BRD9: variants seen among roughly 807,000 people sequenced by gnomAD.
BRD9 encodes bromodomain containing 9.
A neutral mutation model predicts 68.7 loss-of-function variants in BRD9; 47 were observed. The observed-to-expected ratio is 0.68, with a 90% CI of 0.54 to 0.87. The LOEUF is 0.87. BRD9 is among the 40% of genes least tolerant of loss of function. The probability of loss-of-function intolerance (pLI) is 0.00; values close to 1 mark genes in which losing one functional copy is unlikely to be tolerated. For synonymous variants in BRD9, 313 were observed against 293.9 expected (o/e 1.06, Z -0.67); for missense variants, 670 against 748.4 (o/e 0.90, Z 1.22).
intron 8 of BRD9, among the ~76,000 whole-genome samples, chr5:882,711 A>G (rs566305741): frequency 3.0e-4 from 45 of 149,778 alleles, no homozygotes; most frequent in African/African-American, 1.1e-3. Flanking sequence ...CCAACACATA[A>G]GCCACACAGA....
chr5:882,942 ACGTGAAC>A (rs1752000874), intron 8 of BRD9: 8 of 265,464 alleles, frequency 3.0e-5, no homozygotes, highest in Non-Finnish European at 5.1e-5. Flanking sequence ...CATGCAAGCC[ACGTGAAC>A]CACAACCTCC....
intron 5 of BRD9, 57 bp downstream of exon 5, chr5:888,964 A>G: frequency 1.3e-6 from 2 of 1,543,898 alleles, no homozygotes; most frequent in Non-Finnish European, 1.8e-6. Context: ...AAGTCTTCAC[A>G]AGACATGAAT....
chr5:865,730 G>A, intron 14 of BRD9, 149 bp from the exon 15 acceptor site: 1 of 843,530 alleles, frequency 1.2e-6, no homozygotes, highest in Non-Finnish European at 1.8e-6. Flanking sequence ...CAGCAGACAG[G>A]TGGACAGGCC....
Position 878,672 on chromosome 5 carries a change from C to T in BRD9, c.1139-185G>A, listed in dbSNP as rs1188273772. 3.4e-5 allele frequency: 25 copies of T among 729,080 alleles called. No homozygotes were observed. The African/African-American group carries it at 3.6e-4, about 10-fold the overall frequency. 45.2% of individuals were successfully genotyped at this position (729,080 alleles called of 1,614,324 possible). A position where few individuals can be genotyped will look rare whatever the true frequency, so the allele number is the denominator to read the frequency against. ...ATGTGTAACCAGCAGGGGTGTAATTCACCACCCCTCATTTTACTTCTGCAG... is the reference window on the plus strand; with the variant it reads ...ATGTGTAACCAGCAGGGGTGTAATTTACCACCCCTCATTTTACTTCTGCAG... On this transcript the variant is annotated intron_variant, in intron 10 of 15. Transcript: ENST00000467963.
chr5:880,082 C>T (rs1192721996), intron 9 of BRD9, 193 bp from the exon 10 acceptor site: 1 of 553,680 alleles, frequency 1.8e-6, no homozygotes, highest in Non-Finnish European at 3.3e-6. Context: ...ATTTCAATTT[C>T]ATTTCTTTAT....
At chr5:876,411 G>A (rs1750938516) in intron 11 of BRD9, among the ~76,000 whole-genome samples, 199 bp from the exon 12 acceptor site, 1 of 152,218 alleles carries the variant, frequency 6.6e-6, no homozygotes, top group Non-Finnish European at 1.5e-5. Context: ...AGGTTAAAAA[G>A]ATCTCAGTGG....
At chr5:876,283 A>C (rs1750913706) in intron 11 of BRD9, 71 bp from the exon 12 acceptor site, 1 of 1,209,870 alleles carries the variant, frequency 8.3e-7, no homozygotes, top group African/African-American at 1.5e-5. Context: ...AGCCCTGATC[A>C]CAGAAGCCTG....
intron 6 of BRD9, 108 bp from the exon 7 acceptor site, chr5:886,815 G>C: frequency 6.3e-7 from 1 of 1,574,930 alleles, no homozygotes; most frequent in Non-Finnish European, 8.6e-7. Context: ...CTCCCTCACA[G>C]CCAGGGTGCC....
At position 864,325 on chromosome 5, in the gene BRD9, C is replaced by G. The variant is rs1187070405; in HGVS notation, c.*143G>C. The G allele has an allele frequency of 1.6e-6, 1 of 630,728 alleles. No individual in the cohort carries two copies. Among genetic ancestry groups the G allele is most frequent in the African/African-American group, 1.9e-5 (1 of 54,004 alleles). 39.1% of individuals were successfully genotyped at this position (630,728 alleles called of 1,614,324 possible). A position where few individuals can be genotyped will look rare whatever the true frequency, so the allele number is the denominator to read the frequency against. Reference sequence around the variant, plus strand: ...GCTTGGAGACTCTGCTGACATGATACCACAGACAATTCATTACCTCCCCGC... The same window carrying G: ...GCTTGGAGACTCTGCTGACATGATAGCACAGACAATTCATTACCTCCCCGC... On this transcript the variant is annotated 3_prime_UTR_variant, in exon 16 of 16. Transcript: ENST00000467963.
intron 2 of BRD9, 72 bp from the exon 3 acceptor site, chr5:891,359 C>A (rs941823075): frequency 1.3e-6 from 2 of 1,508,776 alleles, no homozygotes; most frequent in African/African-American, 1.4e-5. Context: ...CCAATCCCCT[C>A]GCAGTTCTCA....
intron 3 of BRD9, 80 bp downstream of exon 3, chr5:891,075 G>C (rs1221696105): frequency 2.8e-6 from 4 of 1,447,858 alleles, no homozygotes; most frequent in East Asian, 5.1e-5. Context: ...TCTCCCCAAA[G>C]CAACAGGACA....
rs1044800263 is a variant in BRD9, at chr5:875,431, TC to T, written c.1383+669del. Among the ~76,000 whole-genome samples the T allele has an allele frequency of 3.3e-5, 5 of 151,408 alleles. 1 individual carries two copies. The highest frequency in any genetic ancestry group is 1.3e-4 in the Admixed American group (2 of 15,176). On this transcript the variant is annotated intron_variant, in intron 12 of 15. Coordinates refer to ENST00000467963, the MANE Select transcript of BRD9 (RefSeq NM_023924.5). ...GGCATGATCTCGGCTCACTGCAAGC[TC>T]TGCCTCCCGGGTTCATGCCATTCTC...
chr5:873,706 C>T (rs1750485688), intron 12 of BRD9, among the ~76,000 whole-genome samples: 2 of 152,304 alleles, frequency 1.3e-5, no homozygotes, highest in Middle Eastern at 3.4e-3. Flanking sequence ...GACAAAACCT[C>T]GGCATGGGTG....
intron 3 of BRD9, 142 bp from the exon 4 acceptor site, chr5:889,789 G>A (rs760080702): frequency 9.5e-6 from 14 of 1,480,562 alleles, no homozygotes; most frequent in East Asian, 2.9e-5. Flanking sequence ...AGATACATCC[G>A]ACTCAGCCTT....
In BRD9 at chr5:876,192, T is replaced by C; in HGVS notation, c.1292A>G (p.Asp431Gly). 6.2e-7 allele frequency: 1 copy of C among 1,613,886 alleles called. No homozygotes were observed. Among genetic ancestry groups the C allele is most frequent in the African/African-American group, 1.3e-5 (1 of 75,062 alleles). Residue 431 changes from aspartate (D) to glycine (G), a missense_variant, in exon 12 of 16, where the codon GAT becomes GGT. By Grantham distance (94) the Asp-to-Gly change is moderately conservative. Coordinates refer to ENST00000467963, the MANE Select transcript of BRD9 (RefSeq NM_023924.5). ...CALSLQEFVKDAGSYSKKVVD... is the reference protein window; with the variant it reads ...CALSLQEFVKGAGSYSKKVVD... The stretch of plus-strand genomic sequence containing the variant: ...CACTTTCTTGCTGTAGCTCCCAGCA[T>C]CCTTCACAAACTCCTGCAGGCTAGA...
In BRD9 at chr5:892,776, C is replaced by CGAGCTCGCT; in HGVS notation, c.-128_-120dup. On this transcript the variant is annotated 5_prime_UTR_variant, in exon 1 of 16. Coordinates refer to ENST00000467963, the MANE Select transcript of BRD9 (RefSeq NM_023924.5). ...CCCGCGCTCGCTGCGCCGAGGTTGC[C>CGAGCTCGCT]GAGCTCGCTGGGCCGCGCCGGAAAC... is the stretch of plus-strand genomic sequence containing the variant. The CGAGCTCGCT allele has an allele frequency of 9.0e-7, 1 of 1,106,592 alleles. No homozygotes were observed. Among genetic ancestry groups the CGAGCTCGCT allele is most frequent in the Non-Finnish European group, 1.1e-6 (1 of 877,168 alleles). The allele number at this position is 1,106,592 out of a possible 1,614,324, so 68.5% of individuals were successfully genotyped here. A position where few individuals can be genotyped will look rare whatever the true frequency, so the allele number is the denominator to read the frequency against.
Sources: gnomAD v4.1 joint callset for allele counts (sites outside exome capture counted in the v4.1 genomes callset) on GRCh38, gnomAD v4.1.1 for gene constraint, MANE v1.5 for transcripts, NCBI Gene and HGNC (gene_info 2026-07-23, HGNC 2026-07-21) for gene names.